The following PDSS2 variants were observed in gnomAD, a reference collection of about 807,000 sequenced individuals.
The protein encoded by PDSS2 is decaprenyl diphosphate synthase subunit 2, also known as all trans-polyprenyl-diphosphate synthase PDSS2.
In PDSS2, 31 loss-of-function variants were observed where a neutral mutation model predicts 44.5. The observed-to-expected ratio is 0.70, with a 90% CI of 0.52 to 0.94. PDSS2 has a LOEUF of 0.94. Among genes scored for constraint, PDSS2 ranks in the 40% least tolerant of loss-of-function variants. The pLI is 0.00. For synonymous variants in PDSS2, 157 were observed against 180.3 expected, an observed-to-expected ratio of 0.87 and a Z score of 1.03; for missense variants, 452 against 482.2, an observed-to-expected ratio of 0.94 and a Z score of 0.59.
chr6:107,195,017 T>C (rs1308055792), intron 6 of PDSS2, among the ~76,000 whole-genome samples: 1 of 152,124 alleles, frequency 6.6e-6, no homozygotes, highest in Non-Finnish European at 1.5e-5. Context: ...AGTTTGTGTT[T>C]TGCAGACTTC....
At chr6:107,197,832 C>A (rs1334586668) in intron 6 of PDSS2, 2 of 471,070 alleles carry the variant, frequency 4.2e-6, no homozygotes, top group Non-Finnish European at 8.8e-6. Flanking sequence ...GCTTATCATG[C>A]GGTGCTTAAG....
chr6:107,337,351 C>T (rs1040722134), intron 1 of PDSS2, among the ~76,000 whole-genome samples: 1 of 152,162 alleles, frequency 6.6e-6, no homozygotes, highest in African/African-American at 2.4e-5. Flanking sequence ...TCTACATACA[C>T]TTTTAAACAT....
chr6:107,175,313 T>C lies in PDSS2; in HGVS notation c.1041+18509A>G, dbSNP rs117222740. 1.0e-3 allele frequency among the ~76,000 whole-genome samples: 155 copies of C among 152,288 alleles called. 2 individuals carry two copies. In the East Asian group the frequency reaches 0.021, roughly 20 times the overall value. On this transcript the variant is annotated intron_variant, in intron 7 of 7. Coordinates refer to ENST00000369037, the MANE Select transcript of PDSS2 (RefSeq NM_020381.4). ...AACAGCCCTACGAGGTAGATGCTAC[T>C]ATTATTTTCATTTTACAAAGGAACA...
chr6:107,232,285 C>T (rs1404846780), intron 4 of PDSS2, among the ~76,000 whole-genome samples: 3 of 152,116 alleles, frequency 2.0e-5, no homozygotes, highest in East Asian at 1.9e-4. Context: ...ACTGCAGCCT[C>T]GAACTCCTGG....
intron 7 of PDSS2, 124 bp downstream of exon 7, chr6:107,193,698 C>T: frequency 1.3e-6 from 1 of 741,392 alleles, no homozygotes; most frequent in South Asian, 1.5e-5. Flanking sequence ...TGGCCTGTTA[C>T]TTAACAGGAA....
At chr6:107,446,142 C>G (rs905739329) in intron 1 of PDSS2, among the ~76,000 whole-genome samples, 5 of 151,970 alleles carry the variant, frequency 3.3e-5, no homozygotes, top group Non-Finnish European at 7.4e-5. Flanking sequence ...ATGGTGAAAC[C>G]CCATCTCTAC....
intron 2 of PDSS2, among the ~76,000 whole-genome samples, chr6:107,277,057 TAGATAACTAACAG>T (rs1022894192): frequency 2.0e-5 from 3 of 152,218 alleles, no homozygotes; most frequent in Non-Finnish European, 4.4e-5. Context: ...TGTTACACAA[TAGATAACTAACAG>T]AGACTCCAAT....
intron 2 of PDSS2, 132 bp downstream of exon 2, chr6:107,334,066 C>A: frequency 1.2e-6 from 1 of 834,688 alleles, no homozygotes; most frequent in South Asian, 1.5e-5. Flanking sequence ...CAATAAAAAT[C>A]CATTTTTAAC....
chr6:107,381,106 T>C (rs547615625), intron 1 of PDSS2, among the ~76,000 whole-genome samples: 22 of 152,310 alleles, frequency 1.4e-4, no homozygotes, highest in African/African-American at 3.4e-4. Context: ...ATGGGAGCCT[T>C]GTTTGCCTGG....
At chr6:107,303,246 A>AAT (rs1776754358) in intron 2 of PDSS2, among the ~76,000 whole-genome samples, 1 of 152,138 alleles carries the variant, frequency 6.6e-6, no homozygotes, top group Non-Finnish European at 1.5e-5. Context: ...CATTCATGAG[A>AAT]GCTCCATGAT....
chr6:107,313,417 A>C (rs1380946867), intron 2 of PDSS2, among the ~76,000 whole-genome samples: 5 of 152,148 alleles, frequency 3.3e-5, no homozygotes, highest in African/African-American at 1.2e-4. Context: ...CAGTGGCATG[A>C]TCTCGGCTCA....
intron 4 of PDSS2, among the ~76,000 whole-genome samples, chr6:107,216,830 A>G (rs1773428649): frequency 6.6e-6 from 1 of 152,206 alleles, no homozygotes; most frequent in South Asian, 2.1e-4. Flanking sequence ...AAGCCTTACC[A>G]GATACTATAA....
At chr6:107,248,980 C>A (rs143637165) in intron 3 of PDSS2, among the ~76,000 whole-genome samples, 1 of 152,278 alleles carries the variant, frequency 6.6e-6, no homozygotes, top group East Asian at 1.9e-4. Flanking sequence ...GTAGAGCACC[C>A]CATCAACTGG....
intron 1 of PDSS2, among the ~76,000 whole-genome samples, chr6:107,458,544 A>G (rs1389153372): frequency 1.3e-5 from 2 of 151,930 alleles, no homozygotes; most frequent in African/African-American, 4.8e-5. Context: ...ACCCCAAGAC[A>G]TTCGTTGGAA....
chr6:107,439,635 T>C (rs541170437), intron 1 of PDSS2, among the ~76,000 whole-genome samples: 2 of 152,312 alleles, frequency 1.3e-5, no homozygotes, highest in African/African-American at 4.8e-5. Flanking sequence ...TCAGGGGTGA[T>C]CCTGAGAATC....
intron 1 of PDSS2, among the ~76,000 whole-genome samples, chr6:107,418,941 T>C (rs1248553926): frequency 6.6e-6 from 1 of 152,218 alleles, no homozygotes; most frequent in African/African-American, 2.4e-5. Flanking sequence ...GCATGCTAAT[T>C]TTAAAAATTA....
chr6:107,384,184 T>C (rs1383278113), intron 1 of PDSS2, among the ~76,000 whole-genome samples: 2 of 152,186 alleles, frequency 1.3e-5, no homozygotes, highest in African/African-American at 4.8e-5. Context: ...ATTTCATGTA[T>C]ATGAAACATC....
intron 3 of PDSS2, among the ~76,000 whole-genome samples, chr6:107,269,195 T>C (rs1462755229): frequency 6.6e-6 from 1 of 152,170 alleles, no homozygotes; most frequent in Non-Finnish European, 1.5e-5. Flanking sequence ...GTGCTGGGAT[T>C]ATAAGCGTGA....
At chr6:107,270,361 C>T (rs1337685267) in intron 3 of PDSS2, among the ~76,000 whole-genome samples, 1 of 151,978 alleles carries the variant, frequency 6.6e-6, no homozygotes, top group African/African-American at 2.4e-5. Flanking sequence ...ATTCACTCGC[C>T]TCAGCCTCCG....
Sources: gnomAD v4.1 joint callset for allele counts (sites outside exome capture counted in the v4.1 genomes callset) on GRCh38, gnomAD v4.1.1 for gene constraint, MANE v1.5 for transcripts, NCBI Gene and HGNC (gene_info 2026-07-23, HGNC 2026-07-21) for gene names.